Variants in ATXN10 observed in about 807,000 individuals in gnomAD.
The protein encoded by ATXN10 is ataxin 10.
ATXN10 carries 28 observed loss-of-function variants against 52.9 expected under a neutral mutation model. That is an observed-to-expected ratio of 0.53 (90% CI 0.39 to 0.73). The LOEUF (loss-of-function observed/expected upper bound fraction) is 0.73. Among genes scored for constraint, ATXN10 ranks in the 30% least tolerant of loss-of-function variants. The pLI is 0.00. For synonymous variants in ATXN10, 226 were observed against 221.5 expected (o/e 1.02, Z -0.18); for missense variants, 565 against 577.0 (o/e 0.98, Z 0.21).
rs1446316494 is a variant in ATXN10 at position 45,843,156 on chromosome 22, C to G, written c.1403C>G (p.Ser468Cys). Residue 468 changes from serine (S) to cysteine (C), a missense_variant, in exon 11 of 12, where the codon TCT becomes TGT. Coordinates refer to ENST00000252934, the MANE Select transcript of ATXN10 (RefSeq NM_013236.4). This position sits in a 1 kb window ranked among gnomAD's most constrained non-coding sequence, Gnocchi z 4.5. The stretch of plus-strand genomic sequence containing the variant: ...AAAGGCGAAAAGCTGATCCTGAAAT[C>G]TACTAGAGACACCCCTAAGCCAGTA... ...EKKGEKLILK[S>C]TRDTPKP The G allele has an allele frequency of 1.5e-5, 25 of 1,613,848 alleles. No individual in the cohort carries two copies. Among genetic ancestry groups the G allele is most frequent in the Admixed American group, 6.7e-5 (4 of 59,996 alleles).
chr22:45,707,021 A>G (rs976097543), intron 5 of ATXN10, among the ~76,000 whole-genome samples: 2 of 151,436 alleles, frequency 1.3e-5, no homozygotes, highest in African/African-American at 4.9e-5. Context: ...CCTTATTTTC[A>G]TGCTCTGTTA....
rs1221806918 is a variant in ATXN10, at chr22:45,772,629, T to C, written c.1173+32091T>C. ...ATTGTGATTGGAATTGCGTTAAATA[T>C]ACAGCTCTCTTTGGGGGGAATCAAT... On this transcript the variant is annotated intron_variant, in intron 9 of 11. Transcript: ENST00000252934. The surrounding 1 kb of genome is among the most constrained non-coding windows in gnomAD (Gnocchi z 4.1). Among the ~76,000 whole-genome samples the C allele has an allele frequency of 6.6e-6, 1 of 152,238 alleles. No homozygotes were observed. Among genetic ancestry groups the C allele is most frequent in the Non-Finnish European group, 1.5e-5 (1 of 68,026 alleles).
At position 45,787,123 on chromosome 22, in the gene ATXN10, T is replaced by C. The variant is rs1465555678; in HGVS notation, c.1174-19836T>C. On this transcript the variant is annotated intron_variant, in intron 9 of 11. Coordinates refer to ENST00000252934, the MANE Select transcript of ATXN10 (RefSeq NM_013236.4). The surrounding 1 kb of genome is among the most constrained non-coding windows in gnomAD (Gnocchi z 4.2). ...TTGTATGGAAAGATCTAAAATACTG[T>C]ATATATAAAGATGATCTTCATTTTT... 1.3e-5 allele frequency among the ~76,000 whole-genome samples: 2 copies of C among 152,362 alleles called. No individual in the cohort carries two copies. Among genetic ancestry groups the C allele is most frequent in the South Asian group, 2.1e-4 (1 of 4,824 alleles).
rs1260603425 is a variant in ATXN10 at position 45,843,923 on chromosome 22, T to G, written c.*252T>G. 2 of 546,574 alleles carry G rather than the reference T, an allele frequency of 3.7e-6. No individual in the cohort carries two copies. Among genetic ancestry groups the G allele is most frequent in the Admixed American group, 6.5e-5 (2 of 30,968 alleles). 33.9% of individuals were successfully genotyped at this position (546,574 alleles called of 1,614,324 possible). A position where few individuals can be genotyped will look rare whatever the true frequency, so the allele number is the denominator to read the frequency against. ...GGATAGAACGTGCATTTAAAGAATATATTGTACTTACTGTGACAGCAGATA... is the reference window on the plus strand; with the variant it reads ...GGATAGAACGTGCATTTAAAGAATAGATTGTACTTACTGTGACAGCAGATA... On this transcript the variant is annotated 3_prime_UTR_variant, in exon 12 of 12. Transcript: ENST00000252934. This position sits in a 1 kb window ranked among gnomAD's most constrained non-coding sequence, Gnocchi z 4.5.
intron 3 of ATXN10, among the ~76,000 whole-genome samples, chr22:45,697,876 C>T (rs777661570): frequency 1.1e-4 from 16 of 152,278 alleles, no homozygotes; most frequent in East Asian, 5.8e-4. Flanking sequence ...GTGATCCGCC[C>T]GCCTCGGCCT....
rs138103377 is a variant in ATXN10 at position 45,738,830 on chromosome 22, A to G, written c.994A>G (p.Arg332Gly). The G allele has an allele frequency of 4.3e-5, 70 of 1,613,476 alleles. No homozygotes were observed. The highest frequency in any genetic ancestry group is 5.7e-5 in the Non-Finnish European group (67 of 1,179,502). ...YLQVFPGLLE[R>G]VIDLLRVIHV... ...GCAGGTTTTCCCTGGCTTGCTGGAA[A>G]GAGTGATTGGTGAGTGAAATATCAC... is the stretch of plus-strand genomic sequence containing the variant. The change falls in exon 8 of 12, where the codon AGA becomes GGA. Residue 332 changes from arginine to glycine, a missense_variant. Coordinates refer to ENST00000252934, the MANE Select transcript of ATXN10 (RefSeq NM_013236.4).
intron 10 of ATXN10, among the ~76,000 whole-genome samples, chr22:45,817,491 A>T (rs1928504483): frequency 6.6e-6 from 1 of 151,822 alleles, no homozygotes; most frequent in Non-Finnish European, 1.5e-5. Flanking sequence ...CGCCTGGCTA[A>T]TTTTTGTATT....
At chr22:45,739,666 C>T (rs1925433862) in intron 8 of ATXN10, among the ~76,000 whole-genome samples, 1 of 152,232 alleles carries the variant, frequency 6.6e-6, no homozygotes, top group African/African-American at 2.4e-5. Flanking sequence ...CATCCCAGCT[C>T]TGCCAGGTGC....
chr22:45,843,716 G>T lies in ATXN10; in HGVS notation c.*45G>T. ...CTGAATTTTTGGAATCTGTTTCATG[G>T]ATTTTTCATCTTCTACCGTATGTGA... is the stretch of plus-strand genomic sequence containing the variant. On this transcript the variant is annotated 3_prime_UTR_variant, in exon 12 of 12. Transcript: ENST00000252934. The surrounding 1 kb of genome is among the most constrained non-coding windows in gnomAD (Gnocchi z 4.5). The T allele has an allele frequency of 6.3e-7, 1 of 1,585,610 alleles. No individual in the cohort carries two copies. Among genetic ancestry groups the T allele is most frequent in the South Asian group, 1.1e-5 (1 of 89,906 alleles).
intron 3 of ATXN10, among the ~76,000 whole-genome samples, chr22:45,697,486 C>T (rs1322684457): frequency 1.3e-5 from 2 of 152,030 alleles, no homozygotes; most frequent in Non-Finnish European, 2.9e-5. Flanking sequence ...GCTCTCTTTC[C>T]GCCTCCCTGT....
At chr22:45,814,234 A>T (rs915552367) in intron 10 of ATXN10, among the ~76,000 whole-genome samples, 9 of 152,242 alleles carry the variant, frequency 5.9e-5, no homozygotes, top group Admixed American at 3.3e-4. Context: ...TTTGCGTTAC[A>T]TATATCTGAC....
At position 45,732,877 on chromosome 22, in the gene ATXN10, A is replaced by G. The variant is rs899159356; in HGVS notation, c.894+3287A>G. Among the ~76,000 whole-genome samples, 2 of 152,332 alleles carry G rather than the reference A, an allele frequency of 1.3e-5. No individual in the cohort carries two copies. Among genetic ancestry groups the G allele is most frequent in the Middle Eastern group, 3.4e-3 (1 of 294 alleles). ...TCTTTTTAGGACAAGATAGATATTC[A>G]GTAAAGTTCTCAATGCTATGACTGA... On this transcript the variant is annotated intron_variant, in intron 7 of 11. Coordinates refer to ENST00000252934, the MANE Select transcript of ATXN10 (RefSeq NM_013236.4). The surrounding 1 kb of genome is among the most constrained non-coding windows in gnomAD (Gnocchi z 4.5).
rs2146922647 is a variant in ATXN10, at chr22:45,843,193, G to A, written c.1425+15G>A. 1.9e-6 allele frequency: 3 copies of A among 1,613,580 alleles called. No homozygotes were observed. Among genetic ancestry groups the A allele is most frequent in the East Asian group, 2.2e-5 (1 of 44,882 alleles). On this transcript the variant is annotated intron_variant, in intron 11 of 11. Transcript: ENST00000252934. The surrounding 1 kb of genome is among the most constrained non-coding windows in gnomAD (Gnocchi z 4.5). ...CCCCTAAGCCAGTAAGTACCCTCGAGGGAACTGTCCTTCCCTTTGGTTTGT... is the reference window on the plus strand; with the variant it reads ...CCCCTAAGCCAGTAAGTACCCTCGAAGGAACTGTCCTTCCCTTTGGTTTGT...
At chr22:45,697,881 C>T (rs989592002) in intron 3 of ATXN10, among the ~76,000 whole-genome samples, 2 of 152,212 alleles carry the variant, frequency 1.3e-5, no homozygotes, top group African/African-American at 2.4e-5. Flanking sequence ...CCGCCCGCCT[C>T]GGCCTCCCAA....
chr22:45,778,901 C>A (rs1266564196), intron 9 of ATXN10, among the ~76,000 whole-genome samples: 1 of 152,140 alleles, frequency 6.6e-6, no homozygotes, highest in African/African-American at 2.4e-5. Context: ...AGGATGTGAG[C>A]ACTCTCCATC....
At chr22:45,802,487 T>A (rs73889623) in intron 9 of ATXN10, among the ~76,000 whole-genome samples, 2,589 of 152,334 alleles carry the variant, frequency 0.017, 85 homozygotes, top group African/African-American at 0.06. Context: ...CTTTTCCCAG[T>A]GACCTTAACC....
chr22:45,734,659 T>G (rs980885902), intron 7 of ATXN10, among the ~76,000 whole-genome samples: 6 of 151,660 alleles, frequency 4.0e-5, no homozygotes, highest in Non-Finnish European at 7.4e-5. Context: ...AGTACTTAGT[T>G]CTCATTTTTT....
In ATXN10 at chr22:45,772,580, A is replaced by G. The variant is rs1198745095; in HGVS notation, c.1173+32042A>G. ...ATGTAAATTTTAGAATAGCTTTTTCATAACTCTACAAAACTCTGCTGTGAT... is the reference window on the plus strand; with the variant it reads ...ATGTAAATTTTAGAATAGCTTTTTCGTAACTCTACAAAACTCTGCTGTGAT... On this transcript the variant is annotated intron_variant, in intron 9 of 11. Coordinates refer to ENST00000252934, the MANE Select transcript of ATXN10 (RefSeq NM_013236.4). This position sits in a 1 kb window ranked among gnomAD's most constrained non-coding sequence, Gnocchi z 4.1. Among the ~76,000 whole-genome samples, 5 of 152,148 alleles carry G rather than the reference A, an allele frequency of 3.3e-5. No homozygotes were observed. The highest frequency in any genetic ancestry group is 1.2e-4 in the African/African-American group (5 of 41,434).
chr22:45,731,924 T>G (rs1925103939), intron 7 of ATXN10, among the ~76,000 whole-genome samples: 2 of 152,200 alleles, frequency 1.3e-5, no homozygotes, highest in Admixed American at 6.5e-5. Context: ...TGCCTTTGTT[T>G]CCAGCAGGAG....
Sources: gnomAD v4.1 joint callset for allele counts (sites outside exome capture counted in the v4.1 genomes callset) on GRCh38, gnomAD v4.1.1 for gene constraint, Gnocchi (gnomAD v3.1) non-coding constraint, MANE v1.5 for transcripts, NCBI Gene and HGNC (gene_info 2026-07-23, HGNC 2026-07-21) for gene names.